The following C6orf89 variants were observed in gnomAD, a reference collection of about 807,000 sequenced individuals.
C6orf89 encodes chromosome 6 open reading frame 89.
In C6orf89, 29 loss-of-function variants were observed where a neutral mutation model predicts 40.7. That is an observed-to-expected ratio of 0.71 (90% CI 0.53 to 0.97). C6orf89 has a LOEUF of 0.97. Ranked by LOEUF, C6orf89 falls within the 50% of genes least tolerant of loss-of-function variation. The pLI is 0.00. For missense variants in C6orf89, 392 were observed against 429.1 expected (o/e 0.91, Z 0.76); for synonymous variants, 165 against 152.2 (o/e 1.08, Z -0.62).
chr6:36,877,235 AT>A (rs1272244394), intron 1 of C6orf89, among the ~76,000 whole-genome samples: 1 of 152,166 alleles, frequency 6.6e-6, no homozygotes, highest in Non-Finnish European at 1.5e-5. Flanking sequence ...TTGTGCATGA[AT>A]TTTTGGGAGT....
At chr6:36,901,312 A>ATTTTTTTTTT (rs1554136270) in intron 3 of C6orf89, among the ~76,000 whole-genome samples, 1 of 64,662 alleles carries the variant, frequency 1.5e-5, no homozygotes, top group African/African-American at 6.6e-5. Flanking sequence ...TATTATTATT[A>ATTTTTTTTTT]TTATTATTAT....
At chr6:36,900,524 A>G (rs953262588) in intron 3 of C6orf89, among the ~76,000 whole-genome samples, 2 of 139,454 alleles carry the variant, frequency 1.4e-5, no homozygotes, top group Non-Finnish European at 1.6e-5. Context: ...TTTCTAGTCA[A>G]GGTCACACTG....
exon 1 of C6orf89, chr6:36,871,926 G>A (rs909253665): frequency 2.7e-6 from 4 of 1,458,470 alleles, no homozygotes; most frequent in Admixed American, 2.7e-5. Context: ...GGGCAGACAG[G>A]AGTATTATGG....
chr6:36,913,819 T>C (rs1762212123), intron 4 of C6orf89, among the ~76,000 whole-genome samples: 1 of 149,600 alleles, frequency 6.7e-6, no homozygotes, highest in Non-Finnish European at 1.5e-5. Flanking sequence ...GCTTCATATA[T>C]ACCTTACCTT....
In C6orf89 at chr6:36,892,290, CTT is replaced by C. The variant is rs201611224; in HGVS notation, c.-119-2212_-119-2211del. Among the ~76,000 whole-genome samples the C allele has an allele frequency of 6.8e-4, 103 of 152,288 alleles. 3 individuals are homozygous for C. In the East Asian group the frequency reaches 0.018, roughly 26 times the overall value. On this transcript the variant is annotated intron_variant, in intron 1 of 8. Transcript: ENST00000480824. The stretch of plus-strand genomic sequence containing the variant: ...TCCTGTGCATTGCAGGATGTTTAGT[CTT>C]TACCCACCAGATGCTAATAGTACCC...
At chr6:36,873,423 A>G (rs1156760644) in intron 1 of C6orf89, among the ~76,000 whole-genome samples, 2 of 152,250 alleles carry the variant, frequency 1.3e-5, no homozygotes, top group Non-Finnish European at 2.9e-5. Flanking sequence ...CAGAAAAAAC[A>G]TACATACAGT....
intron 1 of C6orf89, 51 bp downstream of exon 1, chr6:36,886,079 C>A: frequency 9.2e-7 from 1 of 1,084,678 alleles, no homozygotes; most frequent in South Asian, 4.3e-5. Flanking sequence ...CCTGTGACAG[C>A]CTCGCCGCGC....
rs927933769 is a variant in C6orf89 at position 36,927,513 on chromosome 6, C to G, written c.*4072C>G. On this transcript the variant is annotated 3_prime_UTR_variant, in exon 9 of 9. Coordinates refer to ENST00000480824, the MANE Select transcript of C6orf89 (RefSeq NM_001286635.2). ...CGAGAATCAGTTATAAACAGAAGGG[C>G]CTCTTAGGATTTTGAGCTCTCCTGA... is the stretch of plus-strand genomic sequence containing the variant. 1.3e-5 allele frequency: 2 copies of G among 152,150 alleles called. No homozygotes were observed. Among genetic ancestry groups the G allele is most frequent in the South Asian group, 2.1e-4 (1 of 4,820 alleles). The allele number at this position is 152,150 out of a possible 1,614,324, so 9.4% of individuals were successfully genotyped here. A position where few individuals can be genotyped will look rare whatever the true frequency, so the allele number is the denominator to read the frequency against.
chr6:36,885,561 A>C (rs946022092), upstream of C6orf89, among the ~76,000 whole-genome samples: 2 of 152,122 alleles, frequency 1.3e-5, no homozygotes. Context: ...CTTTCTCAAG[A>C]GTAGTAGCTT....
intron 4 of C6orf89, among the ~76,000 whole-genome samples, chr6:36,912,812 C>T (rs1236053849): frequency 6.6e-6 from 1 of 152,188 alleles, no homozygotes; most frequent in African/African-American, 2.4e-5. Context: ...CTTTCCCTGA[C>T]GAGGATTTCC....
At chr6:36,922,566 G>A (rs1397802446) in intron 8 of C6orf89, among the ~76,000 whole-genome samples, 5 of 152,114 alleles carry the variant, frequency 3.3e-5, no homozygotes, top group Admixed American at 6.5e-5. Context: ...GTAGGGTCTC[G>A]AGTCAGTCGA....
chr6:36,915,022 G>C (rs927254889), intron 6 of C6orf89, among the ~76,000 whole-genome samples: 1 of 152,210 alleles, frequency 6.6e-6, no homozygotes, highest in East Asian at 1.9e-4. Context: ...GGCACTTAGC[G>C]TGCGAGTAGG....
rs2150725877 is a variant in C6orf89 at position 36,928,723 on chromosome 6, C to G, written c.*5282C>G. On this transcript the variant is annotated 3_prime_UTR_variant, in exon 9 of 9. Transcript: ENST00000480824. ...CATCATCGGGGACAGGTGCCAGGGT[C>G]AGCTGCAGCTCTCCTTCCGGGAGCA... The G allele has an allele frequency of 6.6e-6, 1 of 152,402 alleles. No homozygotes were observed. Among genetic ancestry groups the G allele is most frequent in the East Asian group, 1.9e-4 (1 of 5,170 alleles). 9.4% of individuals were successfully genotyped at this position (152,402 alleles called of 1,614,324 possible).
intron 3 of C6orf89, among the ~76,000 whole-genome samples, chr6:36,900,744 G>C (rs192332163): frequency 1.2e-4 from 19 of 152,126 alleles, no homozygotes; most frequent in Non-Finnish European, 2.2e-4. Context: ...CAAGTGACTT[G>C]AGTCCAGTCA....
chr6:36,872,315 G>C (rs1774528545), intron 1 of C6orf89, among the ~76,000 whole-genome samples: 2 of 152,012 alleles, frequency 1.3e-5, no homozygotes, highest in African/African-American at 4.8e-5. Flanking sequence ...TAGGGACTGG[G>C]TAGATGGAAA....
chr6:36,914,969 G>A (rs773328322), intron 6 of C6orf89, among the ~76,000 whole-genome samples: 1 of 152,200 alleles, frequency 6.6e-6, no homozygotes, highest in Non-Finnish European at 1.5e-5. Context: ...CAGCTTGGGT[G>A]ACAGAGTGAG....
intron 4 of C6orf89, among the ~76,000 whole-genome samples, chr6:36,911,937 C>CG (rs989968782): frequency 6.1e-5 from 9 of 147,550 alleles, no homozygotes; most frequent in Non-Finnish European, 1.1e-4. Flanking sequence ...TGAACCCCCC[C>CG]CCCCCGACCT....
upstream of C6orf89, among the ~76,000 whole-genome samples, chr6:36,882,727 C>CTTTTTTTTTTTTTTTTT: frequency 1.7e-5 from 1 of 57,470 alleles, no homozygotes; most frequent in East Asian, 4.1e-4. Context: ...TTTTTTTTTT[C>CTTTTTTTTTTTTTTTTT]TTTTTTCTTT....
chr6:36,877,015 T>C (rs1774676586), intron 1 of C6orf89, among the ~76,000 whole-genome samples: 1 of 152,244 alleles, frequency 6.6e-6, no homozygotes. Context: ...TGGTTTTCCC[T>C]GTTTTTGAAT....
Sources: gnomAD v4.1 joint callset for allele counts (sites outside exome capture counted in the v4.1 genomes callset) on GRCh38, gnomAD v4.1.1 for gene constraint, MANE v1.5 for transcripts, NCBI Gene and HGNC (gene_info 2026-07-23, HGNC 2026-07-21) for gene names.